The following SIPA1L1 variants were observed in gnomAD, a reference collection of about 807,000 sequenced individuals.
SIPA1L1 encodes the protein signal-induced proliferation-associated 1-like protein 1.
SIPA1L1 carries 26 observed loss-of-function variants against 162.7 expected under a neutral mutation model. The observed-to-expected ratio is 0.16, with a 90% CI of 0.12 to 0.22. The LOEUF (loss-of-function observed/expected upper bound fraction) is 0.22. Ranked by LOEUF, SIPA1L1 falls within the 10% of genes least tolerant of loss-of-function variation. SIPA1L1 has a pLI of 1.00. For missense variants in SIPA1L1, 1,874 were observed against 2,241.0 expected, an observed-to-expected ratio of 0.84 and a Z score of 3.31; for synonymous variants, 829 against 837.4, an observed-to-expected ratio of 0.99 and a Z score of 0.17.
At chr14:71,487,199 A>G (rs1291111187) in intron 2 of SIPA1L1, among the ~76,000 whole-genome samples, 1 of 152,038 alleles carries the variant, frequency 6.6e-6, no homozygotes, top group Non-Finnish European at 1.5e-5. Context: ...TTCTTTTCAC[A>G]TGCGTGCTGT....
At position 71,674,633 on chromosome 14, in the gene SIPA1L1, C is replaced by T. The variant is rs372083564; in HGVS notation, c.3104+2011C>T. ...AGGCTGGAGTGCAGTGGCGGGGTCT[C>T]GGCTCACTGCAAGCTCCGCCTCCCG... On this transcript the variant is annotated intron_variant, in intron 12 of 23. Coordinates refer to ENST00000381232, the MANE Select transcript of SIPA1L1 (RefSeq NM_001386936.1). Among the ~76,000 whole-genome samples the T allele has an allele frequency of 1.1e-4, 16 of 147,550 alleles. No homozygotes were observed. The South Asian group carries it at 3.0e-3, about 27-fold the overall frequency.
intron 7 of SIPA1L1, among the ~76,000 whole-genome samples, chr14:71,648,950 CAG>C (rs746414750): frequency 5.3e-5 from 8 of 152,192 alleles, no homozygotes; most frequent in Admixed American, 1.3e-4. Context: ...ATCTGTCAAA[CAG>C]GGGTAATATT....
chr14:71,628,612 A>G (rs567995568), intron 7 of SIPA1L1, among the ~76,000 whole-genome samples: 2 of 152,380 alleles, frequency 1.3e-5, no homozygotes, highest in Admixed American at 1.3e-4. Flanking sequence ...CTAGTAAGAC[A>G]TAGTCCTTAT....
Position 71,611,085 on chromosome 14 carries a change from C to T in SIPA1L1, c.1499-7672C>T, listed in dbSNP as rs186196112. Among the ~76,000 whole-genome samples, 248 of 152,298 alleles carry T rather than the reference C, an allele frequency of 1.6e-3. 1 individual carries two copies. Among genetic ancestry groups the T allele is most frequent in the African/African-American group, 5.7e-3 (236 of 41,566 alleles). ...GCGAAGTCCTAGGCTGTTTAGTTCT[C>T]ATGGAACCTCCACCCTTAAAATTAG... is the stretch of plus-strand genomic sequence containing the variant. On this transcript the variant is annotated intron_variant, in intron 5 of 23. Coordinates refer to ENST00000381232, the MANE Select transcript of SIPA1L1 (RefSeq NM_001386936.1).
chr14:71,718,412 G>C (rs976893486), intron 17 of SIPA1L1, among the ~76,000 whole-genome samples: 6 of 152,216 alleles, frequency 3.9e-5, no homozygotes, highest in African/African-American at 1.4e-4. Context: ...TCACACCTGG[G>C]AGCTAGTGTC....
chr14:71,537,729 T>A (rs1213635139), intron 4 of SIPA1L1, among the ~76,000 whole-genome samples: 2 of 152,136 alleles, frequency 1.3e-5, no homozygotes, highest in Non-Finnish European at 2.9e-5. Context: ...CAGAGAAGTT[T>A]TACTTTCTTC....
chr14:71,678,573 G>A (rs2045459447), intron 12 of SIPA1L1, among the ~76,000 whole-genome samples: 1 of 152,182 alleles, frequency 6.6e-6, no homozygotes, highest in Non-Finnish European at 1.5e-5. Context: ...TTGCACTGAT[G>A]TTCATCAGGG....
rs12881643 is a variant in SIPA1L1 at position 71,377,784 on chromosome 14, G to C, written c.-465+56603G>C. 0.16 allele frequency among the ~76,000 whole-genome samples: 24,916 copies of C among 152,232 alleles called. 2,651 individuals are homozygous for C. The highest frequency in any genetic ancestry group is 0.34 in the Middle Eastern group (101 of 294). ...GAGTTCAGGAGCTGGAGACCAGTCC[G>C]GCCAACACGGCGAAACCCCGTCTCC... On this transcript the variant is annotated intron_variant, in intron 2 of 23. Coordinates refer to ENST00000381232, the MANE Select transcript of SIPA1L1 (RefSeq NM_001386936.1). The surrounding 1 kb of genome is among the most constrained non-coding windows in gnomAD (Gnocchi z 4.8).
chr14:71,584,205 C>A (rs1027177414), intron 4 of SIPA1L1, among the ~76,000 whole-genome samples: 1 of 152,138 alleles, frequency 6.6e-6, no homozygotes, highest in Non-Finnish European at 1.5e-5. Flanking sequence ...ATGGTTATCA[C>A]AGAGGTCCAG....
At chr14:71,533,219 C>A (rs528984588) in intron 4 of SIPA1L1, among the ~76,000 whole-genome samples, 47 of 152,220 alleles carry the variant, frequency 3.1e-4, no homozygotes, top group African/African-American at 1.1e-3. Flanking sequence ...AAAATCAAAT[C>A]AAAAGTTTTC....
intron 13 of SIPA1L1, among the ~76,000 whole-genome samples, chr14:71,693,411 A>G (rs1020686117): frequency 6.6e-6 from 1 of 152,238 alleles, no homozygotes; most frequent in Non-Finnish European, 1.5e-5. Flanking sequence ...AGGCAGAAGA[A>G]TCACTTGAAC....
intron 2 of SIPA1L1, among the ~76,000 whole-genome samples, chr14:71,364,947 A>G (rs781446402): frequency 5.9e-5 from 9 of 152,016 alleles, no homozygotes; most frequent in Non-Finnish European, 1.2e-4. Flanking sequence ...GGTTTCACCC[A>G]TGTTGGCCAG....
At chr14:71,471,306 T>A (rs1003572951) in intron 2 of SIPA1L1, among the ~76,000 whole-genome samples, 2 of 152,108 alleles carry the variant, frequency 1.3e-5, no homozygotes, top group African/African-American at 4.8e-5. Flanking sequence ...CCATCTCTAC[T>A]AAGAATACGA....
rs1182840504 is a variant in SIPA1L1 at position 71,540,876 on chromosome 14, C to T, written c.-303+11506C>T. 2.6e-5 allele frequency among the ~76,000 whole-genome samples: 4 copies of T among 152,300 alleles called. No homozygotes were observed. The South Asian group carries it at 6.2e-4, about 24-fold the overall frequency. The stretch of plus-strand genomic sequence containing the variant: ...GCAGGGTGGCTCAGGCCTGTAATCC[C>T]AGCACTTTGGGAGGTCCAAGTAGGC... On this transcript the variant is annotated intron_variant, in intron 4 of 23. Transcript: ENST00000381232.
At chr14:71,674,825 A>G (rs925754848) in intron 12 of SIPA1L1, among the ~76,000 whole-genome samples, 7 of 151,490 alleles carry the variant, frequency 4.6e-5, no homozygotes, top group African/African-American at 1.7e-4. Context: ...CGGCCTCCCA[A>G]AGTGCTGGGA....
intron 16 of SIPA1L1, among the ~76,000 whole-genome samples, chr14:71,706,114 T>C (rs529802895): frequency 5.9e-5 from 9 of 152,144 alleles, no homozygotes; most frequent in East Asian, 1.9e-4. Flanking sequence ...GAGATGCATG[T>C]AAGTTTTGCT....
chr14:71,466,259 T>G (rs541423223), intron 2 of SIPA1L1, among the ~76,000 whole-genome samples: 1 of 152,194 alleles, frequency 6.6e-6, no homozygotes, highest in South Asian at 2.1e-4. Flanking sequence ...AATTTATGAT[T>G]AAACCCATTC....
chr14:71,709,134 A>T, intron 16 of SIPA1L1, 88 bp from the exon 17 acceptor site: 1 of 1,140,316 alleles, frequency 8.8e-7, no homozygotes, highest in East Asian at 2.4e-5. Flanking sequence ...GAGCCCTATA[A>T]CTAGAAATTA....
intron 2 of SIPA1L1, among the ~76,000 whole-genome samples, chr14:71,501,946 C>T (rs150573121): frequency 1.1e-4 from 17 of 150,444 alleles, no homozygotes; most frequent in Middle Eastern, 3.5e-3. Flanking sequence ...TTCGGGAGGC[C>T]GCGGTGGGAG....
Sources: gnomAD v4.1 joint callset for allele counts (sites outside exome capture counted in the v4.1 genomes callset) on GRCh38, gnomAD v4.1.1 for gene constraint, Gnocchi (gnomAD v3.1) non-coding constraint, MANE v1.5 for transcripts, NCBI Gene and HGNC (gene_info 2026-07-23, HGNC 2026-07-21) for gene names.